Variants in VPS53 observed in about 807,000 individuals in gnomAD.
The protein encoded by VPS53 is VPS53 subunit of GARP complex.
Under a neutral mutation model 107.0 loss-of-function variants are expected in VPS53, and 70 were observed. That is an observed-to-expected ratio of 0.65 (90% CI 0.54 to 0.80). The LOEUF (loss-of-function observed/expected upper bound fraction) is 0.80. VPS53 is among the 30% of genes least tolerant of loss of function. VPS53 has a pLI of 0.00. For missense variants in VPS53, 917 were observed against 1,049.4 expected, an observed-to-expected ratio of 0.87 and a Z score of 1.74; for synonymous variants, 409 against 393.3, an observed-to-expected ratio of 1.04 and a Z score of -0.47.
At chr17:589,895 T>G (rs1262590201) in intron 12 of VPS53, among the ~76,000 whole-genome samples, 1 of 152,006 alleles carries the variant, frequency 6.6e-6, no homozygotes, top group Non-Finnish European at 1.5e-5. Context: ...TTAAAGTAGT[T>G]TTTTCCAATT....
chr17:640,106 C>T (rs940212559), intron 7 of VPS53, among the ~76,000 whole-genome samples: 2 of 152,206 alleles, frequency 1.3e-5, no homozygotes, highest in Admixed American at 1.3e-4. Flanking sequence ...ATGGCGGGCG[C>T]CCCTCTCCCA....
chr17:518,878 C>G lies in VPS53; in HGVS notation c.*250G>C. The G allele has an allele frequency of 2.5e-6, 1 of 392,916 alleles. No individual in the cohort carries two copies. The highest frequency in any genetic ancestry group is 4.5e-6 in the Non-Finnish European group (1 of 220,932). The allele number at this position is 392,916 out of a possible 1,614,324, so 24.3% of individuals were successfully genotyped here. ...AAGGGCAGCTCAGGGACCTATCCTC[C>G]ACTGCTGCCTCTGCTTCACGAACCA... On this transcript the variant is annotated 3_prime_UTR_variant, in exon 22 of 22. Coordinates refer to ENST00000437048, the MANE Select transcript of VPS53 (RefSeq NM_001128159.3).
rs755688975 is a variant in VPS53, at chr17:532,864, A to C, written c.2063T>G (p.Ile688Ser). 1 of 1,614,112 alleles carries C rather than the reference A, an allele frequency of 6.2e-7. No individual in the cohort carries two copies. Among genetic ancestry groups the C allele is most frequent in the Non-Finnish European group, 8.5e-7 (1 of 1,179,992 alleles). ...FITHLFKCKP[I>S]SMVGAEQLLL... is the part of the protein sequence containing the mutation. Reference sequence around the variant, plus strand: ...CACCTGTTCTGCTCCCACCATGCTAATTGGCTTGCACTTGAAGAGGTGGGT... The same window carrying C: ...CACCTGTTCTGCTCCCACCATGCTACTTGGCTTGCACTTGAAGAGGTGGGT... The change falls in exon 19 of 22, where the codon ATT becomes AGT. Residue 688 changes from isoleucine (I) to serine (S), a missense_variant. By Grantham distance (142) the Ile-to-Ser change is moderately radical. Transcript: ENST00000437048.
At chr17:565,685 T>G (rs1176256902) in intron 13 of VPS53, among the ~76,000 whole-genome samples, 1 of 151,890 alleles carries the variant, frequency 6.6e-6, no homozygotes, top group African/African-American at 2.4e-5. Context: ...ACAGCTCCCC[T>G]GCTGGCCTAC....
At chr17:677,636 G>T (rs1237575268) in intron 4 of VPS53, among the ~76,000 whole-genome samples, 2 of 151,638 alleles carry the variant, frequency 1.3e-5, no homozygotes, top group African/African-American at 4.8e-5. Context: ...ATTTTACAAG[G>T]TTTAAAAAAT....
chr17:572,617 T>C (rs1914270784), intron 13 of VPS53, among the ~76,000 whole-genome samples: 1 of 151,600 alleles, frequency 6.6e-6, no homozygotes, highest in African/African-American at 2.4e-5. Context: ...GATTGAGAAA[T>C]CGGATGGTTG....
chr17:543,739 T>C lies in VPS53; in HGVS notation c.1867-6563A>G, dbSNP rs191038057. Among the ~76,000 whole-genome samples the C allele has an allele frequency of 2.2e-4, 32 of 148,362 alleles. No homozygotes were observed. The East Asian group carries it at 6.3e-3, about 29-fold the overall frequency. ...CAGGAGAACTAGTTTTACTTCTAGC[T>C]TCACTATTATAAGTTATATGGCTTT... On this transcript the variant is annotated intron_variant, in intron 17 of 21. Coordinates refer to ENST00000437048, the MANE Select transcript of VPS53 (RefSeq NM_001128159.3).
intron 1 of VPS53, among the ~76,000 whole-genome samples, chr17:713,056 C>T (rs1004656083): frequency 1.5e-4 from 23 of 152,102 alleles, no homozygotes; most frequent in African/African-American, 5.6e-4. Context: ...AAACACACAT[C>T]GAAGCGTCAA....
chr17:621,748 T>C (rs1310493749), intron 11 of VPS53, among the ~76,000 whole-genome samples: 1 of 152,254 alleles, frequency 6.6e-6, no homozygotes, highest in Admixed American at 6.5e-5. Flanking sequence ...TTACATGTGC[T>C]AGATATTAAT....
In VPS53 at chr17:519,790, G is replaced by A; in HGVS notation, c.2328+36C>T. On this transcript the variant is annotated intron_variant, in intron 21 of 21. Coordinates refer to ENST00000437048, the MANE Select transcript of VPS53 (RefSeq NM_001128159.3). The surrounding 1 kb of genome is among the most constrained non-coding windows in gnomAD (Gnocchi z 5.0). ...GTTAAGAACCGCTGAGTGTGAGGGG[G>A]ATGAGCAGGTGTGGACCAAATGTCC... 3 of 1,419,812 alleles carry A rather than the reference G, an allele frequency of 2.1e-6. No homozygotes were observed. The highest frequency in any genetic ancestry group is 2.9e-6 in the Non-Finnish European group (3 of 1,026,914). 88.0% of individuals were successfully genotyped at this position (1,419,812 alleles called of 1,614,324 possible).
At chr17:656,080 C>T in intron 5 of VPS53, 127 bp from the exon 6 acceptor site, 1 of 636,628 alleles carries the variant, frequency 1.6e-6, no homozygotes, top group Non-Finnish European at 2.6e-6. Flanking sequence ...AGCAAACATT[C>T]TCACAATACA....
At chr17:645,961 G>A (rs867611830) in intron 7 of VPS53, among the ~76,000 whole-genome samples, 22 of 112,172 alleles carry the variant, frequency 2.0e-4, no homozygotes, top group East Asian at 3.4e-4. Context: ...CTCCGTGACC[G>A]TGTGGCCACT....
intron 20 of VPS53, 81 bp downstream of exon 20, chr17:521,520 C>A: frequency 7.0e-7 from 1 of 1,437,602 alleles, no homozygotes; most frequent in Non-Finnish European, 9.3e-7. Flanking sequence ...AGGATAGGAC[C>A]TACCCTGTGC....
intron 19 of VPS53, among the ~76,000 whole-genome samples, chr17:526,082 T>C (rs2151798800): frequency 6.6e-6 from 1 of 152,174 alleles, no homozygotes; most frequent in South Asian, 2.1e-4. Flanking sequence ...TAGTTACTGT[T>C]TTTTACATTA....
chr17:587,120 T>A (rs1967362246), intron 12 of VPS53, among the ~76,000 whole-genome samples: 1 of 152,186 alleles, frequency 6.6e-6, no homozygotes, highest in African/African-American at 2.4e-5. Context: ...TAAAGTGCAG[T>A]GGCGCCATCT....
In VPS53 at chr17:601,834, C is replaced by A; in HGVS notation, c.1179G>T (p.Glu393Asp). The A allele has an allele frequency of 1.2e-6, 2 of 1,602,786 alleles. No homozygotes were observed. The highest frequency in any genetic ancestry group is 1.7e-6 in the Non-Finnish European group (2 of 1,174,102). ...CTTTCTCCGTTGCCAGTTCCTCCATCTCTGGTGTTGGCTCATCTTCCAGGA... is the reference window on the plus strand; with the variant it reads ...CTTTCTCCGTTGCCAGTTCCTCCATATCTGGTGTTGGCTCATCTTCCAGGA... ...NPFLEDEPTP[E>D]MEELATEKGD... Residue 393 changes from glutamate to aspartate, a missense_variant, in exon 12 of 22, where the codon GAG becomes GAT. Physicochemically the swap from Glu to Asp is conservative, Grantham distance 45. Transcript: ENST00000437048.
intron 5 of VPS53, among the ~76,000 whole-genome samples, chr17:656,378 T>A (rs2143536379): frequency 6.6e-6 from 1 of 152,250 alleles, no homozygotes; most frequent in Middle Eastern, 3.4e-3. Flanking sequence ...TCTTTACTAA[T>A]GGAATGAGGG....
chr17:525,514 C>A (rs1909063019), intron 19 of VPS53, among the ~76,000 whole-genome samples: 1 of 151,846 alleles, frequency 6.6e-6, no homozygotes, highest in Admixed American at 6.6e-5. Flanking sequence ...CACAGTGAGA[C>A]CTTGTCTCTA....
At chr17:710,712 G>A (rs1567757596) in intron 1 of VPS53, 99 bp from the exon 2 acceptor site, 1 of 859,356 alleles carries the variant, frequency 1.2e-6, no homozygotes, top group African/African-American at 1.7e-5. Flanking sequence ...GGGCACGGTG[G>A]CTCATGCCTG....
Sources: allele counts gnomAD v4.1 joint callset (sites outside exome capture counted in the v4.1 genomes callset), GRCh38; gene constraint gnomAD v4.1.1; non-coding constraint Gnocchi (gnomAD v3.1); transcripts MANE v1.5; gene names NCBI Gene and HGNC (gene_info 2026-07-23, HGNC 2026-07-21).